Variants in DDX10 observed in about 807,000 individuals in gnomAD.
DDX10 encodes the protein probable ATP-dependent RNA helicase DDX10.
A neutral mutation model predicts 104.3 loss-of-function variants in DDX10; 74 were observed. That is an observed-to-expected ratio of 0.71 (90% CI 0.59 to 0.86). The LOEUF is 0.86. Among genes scored for constraint, DDX10 ranks in the 40% least tolerant of loss-of-function variants. The pLI is 0.00. For synonymous variants in DDX10, 351 were observed against 353.4 expected (o/e 0.99, Z 0.08); for missense variants, 952 against 1,040.0 (o/e 0.92, Z 1.16).
chr11:108,799,887 A>G (rs1323177597), intron 13 of DDX10, among the ~76,000 whole-genome samples: 1 of 152,126 alleles, frequency 6.6e-6, no homozygotes, highest in Non-Finnish European at 1.5e-5. Context: ...CTAGTTCAGC[A>G]TGACATAGTT....
At chr11:108,827,540 G>A (rs1051248764) in intron 13 of DDX10, among the ~76,000 whole-genome samples, 1 of 152,182 alleles carries the variant, frequency 6.6e-6, no homozygotes, top group Admixed American at 6.5e-5. Context: ...ACATAAGATT[G>A]GTAAATATGG....
At chr11:108,890,690 A>AT (rs916287127) in intron 16 of DDX10, among the ~76,000 whole-genome samples, 1 of 152,116 alleles carries the variant, frequency 6.6e-6, no homozygotes, top group Admixed American at 6.6e-5. Context: ...CCTGCCAGAA[A>AT]TTTACTTGTT....
intron 13 of DDX10, among the ~76,000 whole-genome samples, chr11:108,750,964 T>TTTA (rs1555021557): frequency 2.0e-5 from 2 of 100,986 alleles, no homozygotes; most frequent in African/African-American, 7.6e-5. Flanking sequence ...TTTTTTTTTT[T>TTTA]AGAGATGGGC....
intron 9 of DDX10, among the ~76,000 whole-genome samples, chr11:108,701,887 T>C (rs1206944297): frequency 6.6e-6 from 1 of 152,124 alleles, no homozygotes; most frequent in East Asian, 1.9e-4. Context: ...GGTTTTGCCA[T>C]GTTGGCCAGA....
At chr11:108,789,778 A>G (rs1861845785) in intron 13 of DDX10, among the ~76,000 whole-genome samples, 1 of 152,216 alleles carries the variant, frequency 6.6e-6, no homozygotes. Flanking sequence ...TACTTACATG[A>G]TGAGAAACCT....
At chr11:108,788,902 A>G (rs1228611264) in intron 13 of DDX10, among the ~76,000 whole-genome samples, 1 of 152,194 alleles carries the variant, frequency 6.6e-6, no homozygotes, top group Non-Finnish European at 1.5e-5. Context: ...CTCCTAGGCC[A>G]TGAAGGAGCC....
At chr11:108,723,967 T>G (rs931325929) in intron 13 of DDX10, among the ~76,000 whole-genome samples, 8 of 152,166 alleles carry the variant, frequency 5.3e-5, no homozygotes, top group Admixed American at 5.2e-4. Context: ...ATGAAAAGTT[T>G]TCCTGTAAAT....
intron 13 of DDX10, among the ~76,000 whole-genome samples, chr11:108,727,223 C>T (rs549084728): frequency 6.6e-6 from 1 of 152,014 alleles, no homozygotes; most frequent in South Asian, 2.1e-4. Flanking sequence ...TTGATCGTTG[C>T]CCTACTAGCG....
At chr11:108,919,221 T>C (rs1863791573) in intron 17 of DDX10, 1 of 152,228 alleles carries the variant, frequency 6.6e-6, no homozygotes, top group African/African-American at 2.4e-5. Flanking sequence ...TGGTTGAACA[T>C]ATGAGCTTTA....
At chr11:108,778,332 G>C (rs2094372958) in intron 13 of DDX10, among the ~76,000 whole-genome samples, 1 of 152,152 alleles carries the variant, frequency 6.6e-6, no homozygotes, top group African/African-American at 2.4e-5. Context: ...CATGGTACTG[G>C]TACCAAAACA....
intron 10 of DDX10, among the ~76,000 whole-genome samples, chr11:108,712,570 G>C (rs992459252): frequency 2.6e-5 from 4 of 151,652 alleles, no homozygotes; most frequent in Non-Finnish European, 5.9e-5. Flanking sequence ...ACCTTATAAC[G>C]TAATTCTGAT....
chr11:108,834,348 C>T (rs1456567067), intron 13 of DDX10, among the ~76,000 whole-genome samples: 2 of 152,112 alleles, frequency 1.3e-5, no homozygotes, highest in Non-Finnish European at 2.9e-5. Context: ...AATATCATTA[C>T]ACTTTCCTCC....
At chr11:108,707,754 T>G (rs1025039507) in intron 10 of DDX10, among the ~76,000 whole-genome samples, 1 of 152,182 alleles carries the variant, frequency 6.6e-6, no homozygotes, top group Admixed American at 6.5e-5. Context: ...TTTCATTCCC[T>G]TAATAAAAAT....
intron 13 of DDX10, among the ~76,000 whole-genome samples, chr11:108,819,849 T>G (rs1862303099): frequency 6.6e-6 from 1 of 152,148 alleles, no homozygotes; most frequent in Non-Finnish European, 1.5e-5. Context: ...TCCACCCGCC[T>G]CGGCCTCCCA....
intron 16 of DDX10, among the ~76,000 whole-genome samples, chr11:108,866,148 G>C (rs1863005526): frequency 1.3e-5 from 2 of 152,126 alleles, no homozygotes; most frequent in South Asian, 4.1e-4. Flanking sequence ...CATTTTGGTA[G>C]TTGGACTCTG....
At chr11:108,792,350 A>G (rs1461779833) in intron 13 of DDX10, among the ~76,000 whole-genome samples, 1 of 152,170 alleles carries the variant, frequency 6.6e-6, no homozygotes, top group Non-Finnish European at 1.5e-5. Context: ...CAAGGTCACA[A>G]AGGTTTTTGT....
At chr11:108,856,917 T>A (rs1862878231) in intron 16 of DDX10, among the ~76,000 whole-genome samples, 2 of 143,626 alleles carry the variant, frequency 1.4e-5, no homozygotes, top group African/African-American at 5.1e-5. Flanking sequence ...TTAGTCCTCA[T>A]CCAGACCAGC....
At chr11:108,897,141 G>A (rs1591115526) in intron 16 of DDX10, among the ~76,000 whole-genome samples, 1 of 152,064 alleles carries the variant, frequency 6.6e-6, no homozygotes, top group South Asian at 2.1e-4. Flanking sequence ...CTTAACCAAG[G>A]AAGCACAAAT....
chr11:108,668,154 T>C (rs1318758819), intron 1 of DDX10, among the ~76,000 whole-genome samples: 1 of 152,282 alleles, frequency 6.6e-6, no homozygotes, highest in Non-Finnish European at 1.5e-5. Flanking sequence ...TTATTCATGC[T>C]GGCTTTCCGT....
Sources: allele counts gnomAD v4.1 joint callset (sites outside exome capture counted in the v4.1 genomes callset), GRCh38; gene constraint gnomAD v4.1.1; transcripts MANE v1.5; gene names NCBI Gene and HGNC (gene_info 2026-07-23, HGNC 2026-07-21).